The following SYT14 variants were observed in gnomAD, a reference collection of about 807,000 sequenced individuals.
SYT14 encodes the protein synaptotagmin-14.
Under a neutral mutation model 74.2 loss-of-function variants are expected in SYT14, and 32 were observed. That is an observed-to-expected ratio of 0.43 (90% confidence interval 0.33 to 0.58). SYT14 has a LOEUF of 0.58. SYT14 is among the 20% of genes least tolerant of loss of function. The probability of loss-of-function intolerance (pLI) is 0.05; values close to 1 mark genes in which losing one functional copy is unlikely to be tolerated. For missense variants in SYT14, 791 were observed against 981.8 expected (o/e 0.81, Z 2.60); for synonymous variants, 298 against 337.7 (o/e 0.88, Z 1.29).
At chr1:210,007,930 TACA>T (rs1484948624) in intron 2 of SYT14, among the ~76,000 whole-genome samples, 2 of 152,190 alleles carry the variant, frequency 1.3e-5, no homozygotes, top group East Asian at 1.9e-4. Context: ...TGAAAGCAAT[TACA>T]ACAATATCTG....
intron 5 of SYT14, among the ~76,000 whole-genome samples, chr1:210,060,892 GT>G (rs1353561369): frequency 6.6e-6 from 1 of 151,956 alleles, no homozygotes; most frequent in African/African-American, 2.4e-5. Context: ...GATCAACAGC[GT>G]TATCTATAAA....
At chr1:210,125,016 G>C (rs982708391) in intron 7 of SYT14, among the ~76,000 whole-genome samples, 19 of 152,078 alleles carry the variant, frequency 1.2e-4, no homozygotes, top group African/African-American at 4.6e-4. Context: ...ACTGCTTCAG[G>C]CAGGCAAGTT....
In SYT14 at chr1:210,164,211, A is replaced by G. The variant is rs1158091310; in HGVS notation, c.*3169A>G. 5 of 336,104 alleles carry G rather than the reference A, an allele frequency of 1.5e-5. No individual in the cohort carries two copies. The East Asian group carries it at 3.8e-4, about 25-fold the overall frequency. The allele number at this position is 336,104 out of a possible 1,614,324, so 20.8% of individuals were successfully genotyped here. A position where few individuals can be genotyped will look rare whatever the true frequency, so the allele number is the denominator to read the frequency against. The stretch of plus-strand genomic sequence containing the variant: ...ACTTTTGTTTGAAATCCATTTGCAT[A>G]TTATCTTACTGTGCATTTAGTGAAT... On this transcript the variant is annotated 3_prime_UTR_variant, in exon 10 of 10. Coordinates refer to ENST00000637265, the Ensembl canonical transcript of SYT14.
At chr1:210,112,854 A>G (rs2082289389) in intron 7 of SYT14, among the ~76,000 whole-genome samples, 1 of 151,388 alleles carries the variant, frequency 6.6e-6, no homozygotes, top group South Asian at 2.1e-4. Context: ...AAATATTGAC[A>G]TGTAGTCTTT....
At position 210,056,196 on chromosome 1, in the gene SYT14, A is replaced by G. The variant is rs143007781; in HGVS notation, c.1312+34942A>G. ...AGCTGTACTCAACTAAATATTTCCA[A>G]CATTTATCCTTATGGAGCTGTTGTC... is the stretch of plus-strand genomic sequence containing the variant. On this transcript the variant is annotated intron_variant, in intron 5 of 9. Transcript: ENST00000637265. Among the ~76,000 whole-genome samples, 445 of 152,218 alleles carry G rather than the reference A, an allele frequency of 2.9e-3. 3 individuals carry two copies. Among genetic ancestry groups the G allele is most frequent in the African/African-American group, 9.9e-3 (410 of 41,510 alleles).
chr1:210,028,846 C>G (rs1042891037), intron 5 of SYT14, among the ~76,000 whole-genome samples: 10 of 152,066 alleles, frequency 6.6e-5, no homozygotes, highest in African/African-American at 2.4e-4. Flanking sequence ...AGGAACTGCC[C>G]TACTGTTTTC....
At chr1:209,964,293 AG>A (rs2079121278) in intron 2 of SYT14, among the ~76,000 whole-genome samples, 1 of 152,202 alleles carries the variant, frequency 6.6e-6, no homozygotes, top group African/African-American at 2.4e-5. Context: ...AGGCCTTCCC[AG>A]CCGTGTAGAA....
intron 8 of SYT14, chr1:210,156,868 AT>A (rs1399531358): frequency 4.9e-6 from 2 of 407,954 alleles, no homozygotes; most frequent in Middle Eastern, 7.9e-4. Context: ...ATTATTTTGT[AT>A]TTTTAGTAGA....
At chr1:209,943,561 TG>T in intron 1 of SYT14, among the ~76,000 whole-genome samples, 1 of 124,956 alleles carries the variant, frequency 8.0e-6, no homozygotes, top group East Asian at 2.4e-4. Flanking sequence ...TGCATGCCAA[TG>T]GGGAAAGCAG....
At chr1:210,156,244 C>T (rs1189525640) in intron 8 of SYT14, among the ~76,000 whole-genome samples, 2 of 152,122 alleles carry the variant, frequency 1.3e-5, no homozygotes, top group African/African-American at 4.8e-5. Flanking sequence ...ATGTATATAG[C>T]TATTGTTGTT....
chr1:210,051,381 T>G (rs1325899950), intron 5 of SYT14, among the ~76,000 whole-genome samples: 1 of 152,252 alleles, frequency 6.6e-6, no homozygotes, highest in African/African-American at 2.4e-5. Flanking sequence ...TATAGTTCAC[T>G]TCACACTTTT....
intron 1 of SYT14, among the ~76,000 whole-genome samples, chr1:209,950,928 A>G (rs2078901747): frequency 6.6e-6 from 1 of 152,224 alleles, no homozygotes; most frequent in African/African-American, 2.4e-5. Context: ...AGCTTACATT[A>G]AAGTAATGAC....
At chr1:210,016,839 G>A in exon 4 of SYT14, 1 of 1,231,722 alleles carries the variant, frequency 8.1e-7, no homozygotes, top group Non-Finnish European at 1.0e-6. Flanking sequence ...GAGTGTTCAG[G>A]AAATGAATGT....
chr1:209,979,689 G>T (rs555226918), intron 2 of SYT14, among the ~76,000 whole-genome samples: 1 of 152,262 alleles, frequency 6.6e-6, no homozygotes, highest in South Asian at 2.1e-4. Flanking sequence ...CCACTTGTAA[G>T]TGAGAACATG....
exon 10 of SYT14, chr1:210,167,354 C>G (rs549750383): frequency 1.6e-4 from 25 of 152,316 alleles, no homozygotes; most frequent in African/African-American, 5.8e-4. Flanking sequence ...GACTGCTGCT[C>G]TAAACTCTAG....
intron 2 of SYT14, among the ~76,000 whole-genome samples, chr1:209,953,469 T>C (rs1323813485): frequency 2.0e-5 from 3 of 152,226 alleles, no homozygotes; most frequent in Non-Finnish European, 4.4e-5. Context: ...CACTTTCTTT[T>C]CTTGCATCTC....
At chr1:209,997,013 A>T (rs1045175810) in intron 2 of SYT14, among the ~76,000 whole-genome samples, 1 of 152,138 alleles carries the variant, frequency 6.6e-6, no homozygotes, top group Admixed American at 6.5e-5. Flanking sequence ...CATCATACTG[A>T]GTGGGCAAAA....
chr1:209,982,280 A>G (rs2079500752), intron 2 of SYT14, among the ~76,000 whole-genome samples: 1 of 152,046 alleles, frequency 6.6e-6, no homozygotes, highest in Non-Finnish European at 1.5e-5. Context: ...CTCAGCCCCC[A>G]GAGTAGCCAG....
chr1:210,167,483 A>G (rs560713570), exon 10 of SYT14: 2 of 152,228 alleles, frequency 1.3e-5, no homozygotes, highest in Non-Finnish European at 1.5e-5. Flanking sequence ...CTGAGTTTCC[A>G]TTTCCCCTCA....
Sources: allele counts gnomAD v4.1 joint callset (sites outside exome capture counted in the v4.1 genomes callset), GRCh38; gene constraint gnomAD v4.1.1; transcripts MANE v1.5; gene names NCBI Gene and HGNC (gene_info 2026-07-23, HGNC 2026-07-21).